Variants in PACRG observed in about 807,000 individuals in gnomAD.
PACRG encodes parkin coregulated gene protein.
Under a neutral mutation model 29.7 loss-of-function variants are expected in PACRG, and 29 were observed. That is an observed-to-expected ratio of 0.98 (90% CI 0.73 to 1.33). The LOEUF (loss-of-function observed/expected upper bound fraction) is 1.33, where lower values mean the gene tolerates loss of function less well. PACRG is among the 40% of genes most tolerant of loss of function. PACRG has a pLI of 0.00. For synonymous variants in PACRG, 116 were observed against 118.7 expected (o/e 0.98, Z 0.15); for missense variants, 279 against 316.2 (o/e 0.88, Z 0.89).
At chr6:162,887,723 C>T (rs1794454357) in intron 2 of PACRG, among the ~76,000 whole-genome samples, 1 of 152,112 alleles carries the variant, frequency 6.6e-6, no homozygotes, top group African/African-American at 2.4e-5. Flanking sequence ...CGCCCTGCCT[C>T]CGTCCTTAAA....
chr6:162,854,384 G>C (rs1791195264), intron 2 of PACRG, among the ~76,000 whole-genome samples: 1 of 152,024 alleles, frequency 6.6e-6, no homozygotes, highest in Admixed American at 6.6e-5. Flanking sequence ...AAAACCATCT[G>C]TGTGTTTGTT....
chr6:162,755,585 G>A (rs879541385), intron 1 of PACRG, among the ~76,000 whole-genome samples: 4 of 152,014 alleles, frequency 2.6e-5, no homozygotes, highest in Non-Finnish European at 5.9e-5. Context: ...ACAGGCACCC[G>A]CCACCATGCC....
At chr6:162,955,968 G>A (rs1264877154) in intron 2 of PACRG, among the ~76,000 whole-genome samples, 1 of 152,046 alleles carries the variant, frequency 6.6e-6, no homozygotes, top group Non-Finnish European at 1.5e-5. Context: ...TGGCGACATG[G>A]TGGTGGTGGG....
intron 4 of PACRG, among the ~76,000 whole-genome samples, chr6:163,159,788 A>T (rs1254744104): frequency 1.3e-5 from 2 of 152,050 alleles, no homozygotes; most frequent in Non-Finnish European, 2.9e-5. Flanking sequence ...TTGTTTTCTA[A>T]TTTTACTTCG....
chr6:163,119,594 A>G (rs562914132), intron 4 of PACRG, among the ~76,000 whole-genome samples: 1 of 152,314 alleles, frequency 6.6e-6, no homozygotes, highest in African/African-American at 2.4e-5. Context: ...TCCAAGTGTT[A>G]CGTATTTTGC....
At chr6:162,792,616 G>T (rs191986761) in intron 1 of PACRG, among the ~76,000 whole-genome samples, 1 of 152,156 alleles carries the variant, frequency 6.6e-6, no homozygotes, top group Admixed American at 6.5e-5. Flanking sequence ...CAGACACTTC[G>T]TCTCTAGTCC....
intron 1 of PACRG, among the ~76,000 whole-genome samples, chr6:162,774,669 G>C (rs533854434): frequency 1.3e-5 from 2 of 152,128 alleles, no homozygotes; most frequent in African/African-American, 4.8e-5. Flanking sequence ...CATCTCTACT[G>C]TATTTAGTTA....
intron 2 of PACRG, among the ~76,000 whole-genome samples, chr6:162,942,013 T>C (rs910046242): frequency 6.6e-6 from 1 of 152,190 alleles, no homozygotes; most frequent in Non-Finnish European, 1.5e-5. Flanking sequence ...TTCTTTTCCA[T>C]GTCAAGCACT....
intron 2 of PACRG, among the ~76,000 whole-genome samples, chr6:162,941,517 G>C (rs1798629824): frequency 1.3e-5 from 2 of 152,184 alleles, no homozygotes; most frequent in South Asian, 4.1e-4. Flanking sequence ...TGAAATCTTA[G>C]ACAGCAATGC....
At chr6:162,933,229 AT>A (rs1797981845) in intron 2 of PACRG, among the ~76,000 whole-genome samples, 1 of 152,082 alleles carries the variant, frequency 6.6e-6, no homozygotes, top group African/African-American at 2.4e-5. Context: ...TAGGACTTTC[AT>A]TTCTTGAAAT....
At chr6:163,117,279 G>T (rs1816049034) in intron 4 of PACRG, among the ~76,000 whole-genome samples, 1 of 152,178 alleles carries the variant, frequency 6.6e-6, no homozygotes, top group Non-Finnish European at 1.5e-5. Context: ...CAGAATTACT[G>T]AGTGGCCCCT....
chr6:163,178,655 T>C (rs887022130), intron 4 of PACRG, among the ~76,000 whole-genome samples: 3 of 152,240 alleles, frequency 2.0e-5, no homozygotes, highest in African/African-American at 4.8e-5. Context: ...AATTTTCTGT[T>C]ACATGCGGCC....
intron 4 of PACRG, among the ~76,000 whole-genome samples, chr6:163,217,106 G>A (rs906139291): frequency 2.6e-5 from 4 of 152,230 alleles, no homozygotes; most frequent in African/African-American, 9.6e-5. Flanking sequence ...CTGGGCACAA[G>A]TGTGAAAGAC....
chr6:162,908,515 T>C (rs1584727197), intron 2 of PACRG, among the ~76,000 whole-genome samples: 1 of 152,142 alleles, frequency 6.6e-6, no homozygotes, highest in African/African-American at 2.4e-5. Flanking sequence ...CTCCACCAAA[T>C]AGCACATGAT....
intron 4 of PACRG, among the ~76,000 whole-genome samples, chr6:163,122,652 G>A (rs779855989): frequency 1.4e-4 from 22 of 152,240 alleles, no homozygotes; most frequent in Non-Finnish European, 2.1e-4. Flanking sequence ...CTGGTGCCAC[G>A]CTTCCTGTGT....
intron 4 of PACRG, among the ~76,000 whole-genome samples, chr6:163,166,571 A>C (rs1009446482): frequency 3.3e-5 from 5 of 152,268 alleles, no homozygotes; most frequent in African/African-American, 1.2e-4. Context: ...ATCCCACTTA[A>C]TAGTGAAGCT....
At chr6:162,920,008 G>T (rs1796956768) in intron 2 of PACRG, among the ~76,000 whole-genome samples, 1 of 152,050 alleles carries the variant, frequency 6.6e-6, no homozygotes, top group Admixed American at 6.6e-5. Context: ...TGTAGTCTTG[G>T]CCAGAGCGGA....
intron 2 of PACRG, among the ~76,000 whole-genome samples, chr6:162,870,880 C>T (rs563725310): frequency 6.6e-6 from 1 of 152,310 alleles, no homozygotes; most frequent in African/African-American, 2.4e-5. Context: ...TAATCTCTTC[C>T]TTCCTCCCTC....
chr6:162,747,073 G>A (rs1016382128), intron 1 of PACRG, among the ~76,000 whole-genome samples: 3 of 151,776 alleles, frequency 2.0e-5, no homozygotes, highest in Admixed American at 6.6e-5. Flanking sequence ...TTGATCCTGG[G>A]TGTGTCTGTT....
Sources: allele counts gnomAD v4.1 joint callset (sites outside exome capture counted in the v4.1 genomes callset), GRCh38; gene constraint gnomAD v4.1.1; transcripts MANE v1.5; gene names NCBI Gene and HGNC (gene_info 2026-07-23, HGNC 2026-07-21).